The following MYT1L variants were observed in gnomAD, a reference collection of about 807,000 sequenced individuals.
The protein encoded by MYT1L is myelin transcription factor 1 like.
Under a neutral mutation model 126.7 loss-of-function variants are expected in MYT1L, and 12 were observed. That is an observed-to-expected ratio of 0.09 (90% confidence interval 0.06 to 0.15). The LOEUF (loss-of-function observed/expected upper bound fraction) is 0.15, where lower values mean the gene tolerates loss of function less well. Among genes scored for constraint, MYT1L ranks in the 10% least tolerant of loss-of-function variants. The pLI, the probability that MYT1L is intolerant of heterozygous loss-of-function variation, is 1.00. For missense variants in MYT1L, 979 were observed against 1,585.2 expected, an observed-to-expected ratio of 0.62 and a Z score of 6.49; for synonymous variants, 541 against 604.2, an observed-to-expected ratio of 0.90 and a Z score of 1.53.
intron 21 of MYT1L, among the ~76,000 whole-genome samples, chr2:1,820,122 C>A (rs1056105831): frequency 6.6e-6 from 1 of 152,134 alleles, no homozygotes; most frequent in Non-Finnish European, 1.5e-5. Context: ...GAAGAGAGCA[C>A]CCACTCAAGA....
chr2:2,318,525 T>C (rs2149672164), intron 1 of MYT1L, among the ~76,000 whole-genome samples: 1 of 152,324 alleles, frequency 6.6e-6, no homozygotes, highest in East Asian at 1.9e-4. Flanking sequence ...AAAGGATTGT[T>C]TTTGAGCTAA....
chr2:2,005,925 T>A (rs1401108125), intron 4 of MYT1L, among the ~76,000 whole-genome samples: 1 of 150,486 alleles, frequency 6.6e-6, no homozygotes, highest in African/African-American at 2.5e-5. Flanking sequence ...CTTTCCTGCA[T>A]GCGTTCTTTC....
intron 3 of MYT1L, among the ~76,000 whole-genome samples, chr2:2,152,874 G>A (rs1217995233): frequency 6.6e-6 from 1 of 152,164 alleles, no homozygotes; most frequent in Admixed American, 6.5e-5. Flanking sequence ...GTCAGGGCTG[G>A]TGAGGGGTAG....
intron 18 of MYT1L, among the ~76,000 whole-genome samples, chr2:1,874,979 T>C (rs773477627): frequency 4.4e-4 from 67 of 152,332 alleles, no homozygotes; most frequent in Middle Eastern, 3.4e-3. Context: ...TGGTCCTCCC[T>C]CCAGAGTCCT....
intron 3 of MYT1L, among the ~76,000 whole-genome samples, chr2:2,081,483 G>T (rs2075818816): frequency 6.6e-6 from 1 of 152,102 alleles, no homozygotes; most frequent in African/African-American, 2.4e-5. Flanking sequence ...GAACTAGAGG[G>T]CCAAATGGCT....
chr2:2,325,373 C>A (rs1573605526), intron 1 of MYT1L: 2 of 152,216 alleles, frequency 1.3e-5, no homozygotes, highest in African/African-American at 4.8e-5. Context: ...TCTTTTAAAA[C>A]AAAAGCTATG....
chr2:2,084,813 A>T (rs889351869), intron 3 of MYT1L, among the ~76,000 whole-genome samples: 4 of 152,228 alleles, frequency 2.6e-5, no homozygotes, highest in African/African-American at 9.6e-5. Flanking sequence ...GAATACAAGG[A>T]TTTAATTGGG....
intron 5 of MYT1L, among the ~76,000 whole-genome samples, chr2:1,982,232 G>T (rs993751540): frequency 1.3e-5 from 2 of 152,142 alleles, no homozygotes; most frequent in Non-Finnish European, 2.9e-5. Flanking sequence ...CCATGAGAAA[G>T]GGCATTTCCC....
chr2:1,996,114 C>T (rs776821703), intron 5 of MYT1L, among the ~76,000 whole-genome samples: 4 of 152,188 alleles, frequency 2.6e-5, no homozygotes, highest in Non-Finnish European at 2.9e-5. Context: ...ATTGTTTTGA[C>T]CACATAAGGA....
At chr2:2,111,350 TC>T (rs889850491) in intron 3 of MYT1L, among the ~76,000 whole-genome samples, 2 of 151,368 alleles carry the variant, frequency 1.3e-5, no homozygotes, top group African/African-American at 4.9e-5. Flanking sequence ...CCTCCCATCC[TC>T]CCCCCGACGG....
At chr2:1,965,113 A>T (rs2059240316) in intron 8 of MYT1L, among the ~76,000 whole-genome samples, 2 of 152,232 alleles carry the variant, frequency 1.3e-5, no homozygotes, top group South Asian at 4.1e-4. Flanking sequence ...AGACCCAGGG[A>T]TCAGGCAGGG....
intron 2 of MYT1L, among the ~76,000 whole-genome samples, chr2:2,272,154 GC>G (rs1413585028): frequency 6.6e-6 from 1 of 151,990 alleles, no homozygotes; most frequent in East Asian, 1.9e-4. Context: ...CCTGCCTGAA[GC>G]CGAAGATGAC....
chr2:2,177,318 T>A (rs776852389), intron 2 of MYT1L, among the ~76,000 whole-genome samples: 2 of 152,230 alleles, frequency 1.3e-5, no homozygotes, highest in Non-Finnish European at 2.9e-5. Context: ...TGCAATATTG[T>A]GTATAATCAA....
intron 3 of MYT1L, among the ~76,000 whole-genome samples, chr2:2,078,194 A>G (rs2150293882): frequency 6.6e-6 from 1 of 152,286 alleles, no homozygotes; most frequent in Non-Finnish European, 1.5e-5. Context: ...AAAATTATTA[A>G]AAGAAACAAC....
rs1429379326 is a variant in MYT1L, at chr2:2,283,937, C to G, written c.-421+467G>C. 2.0e-5 allele frequency among the ~76,000 whole-genome samples: 3 copies of G among 152,134 alleles called. No homozygotes were observed. The East Asian group carries it at 5.8e-4, about 29-fold the overall frequency. On this transcript the variant is annotated intron_variant, in intron 2 of 24. Transcript: ENST00000647738. ...GGTGGCAACTTTCTTACAGGGTACT[C>G]AAGGGCTTCAAGAGAGCCAGCCATG... is the stretch of plus-strand genomic sequence containing the variant.
chr2:1,915,072 G>A (rs2052629890), intron 11 of MYT1L, among the ~76,000 whole-genome samples: 1 of 152,100 alleles, frequency 6.6e-6, no homozygotes, highest in Admixed American at 6.5e-5. Flanking sequence ...TCTCTCAGCC[G>A]GGCTGGGAGC....
rs552109095 is a variant in MYT1L, at chr2:2,049,946, C to CGT, written c.-158+4030_-158+4031dup. 8.0e-3 allele frequency among the ~76,000 whole-genome samples: 1,196 copies of CGT among 149,742 alleles called. 16 individuals are homozygous for CGT. The highest frequency in any genetic ancestry group is 0.025 in the African/African-American group (998 of 40,440). ...AGTATTGTGAAAATAAACTTATATA[C>CGT]GTGTGTGTGTGTGTATATATATATA... On this transcript the variant is annotated intron_variant, in intron 4 of 24. Transcript: ENST00000647738.
chr2:1,865,821 C>CACTGTGTTT (rs2045390464), intron 18 of MYT1L, among the ~76,000 whole-genome samples: 1 of 152,194 alleles, frequency 6.6e-6, no homozygotes, highest in Admixed American at 6.5e-5. Flanking sequence ...GAGCCAGCAG[C>CACTGTGTTT]ACTGTGTTTA....
At chr2:2,236,802 C>T (rs972282111) in intron 2 of MYT1L, among the ~76,000 whole-genome samples, 2 of 18,240 alleles carry the variant, frequency 1.1e-4, no homozygotes, top group African/African-American at 4.0e-4. Context: ...TCTTCTTCTT[C>T]TTCTTCTTCT....
Sources: allele counts gnomAD v4.1 joint callset (sites outside exome capture counted in the v4.1 genomes callset), GRCh38; gene constraint gnomAD v4.1.1; transcripts MANE v1.5; gene names NCBI Gene and HGNC (gene_info 2026-07-23, HGNC 2026-07-21).